USB1: variants seen among roughly 807,000 people sequenced by gnomAD.
USB1 encodes the protein U6 snRNA phosphodiesterase 1.
A neutral mutation model predicts 29.9 loss-of-function variants in USB1; 21 were observed. The observed-to-expected ratio is 0.70, with a 90% CI of 0.50 to 1.01. USB1 has a LOEUF of 1.01. Among genes scored for constraint, USB1 ranks in the 50% least tolerant of loss-of-function variants. The probability of loss-of-function intolerance (pLI) is 0.00; values close to 1 mark genes in which losing one functional copy is unlikely to be tolerated. For missense variants in USB1, 330 were observed against 347.1 expected, an observed-to-expected ratio of 0.95 and a Z score of 0.39; for synonymous variants, 143 against 134.9, an observed-to-expected ratio of 1.06 and a Z score of -0.42.
intron 2 of USB1, among the ~76,000 whole-genome samples, chr16:58,006,478 C>T (rs1476014458): frequency 2.4e-3 from 11 of 4,522 alleles, no homozygotes; most frequent in South Asian, 0.023. Flanking sequence ...GCCAACATGG[C>T]GAAACCCCCA....
intron 2 of USB1, among the ~76,000 whole-genome samples, chr16:58,007,709 T>A (rs1963393795): frequency 6.6e-6 from 1 of 151,048 alleles, no homozygotes; most frequent in African/African-American, 2.4e-5. Flanking sequence ...TTATTCAGGC[T>A]GGGTGCAGTG....
rs766841291 is a variant in USB1, at chr16:58,020,172, T to A, written c.725T>A (p.Val242Glu). The A allele has an allele frequency of 1.1e-5, 17 of 1,614,132 alleles. No homozygotes were observed. Among genetic ancestry groups the A allele is most frequent in the Non-Finnish European group, 1.4e-5 (16 of 1,180,034 alleles). The change falls in exon 7 of 7, where the codon GTG (valine) becomes GAG (glutamate). Residue 242 changes from valine (V) to glutamate (E), a missense_variant. By Grantham distance (121) the Val-to-Glu change is moderately radical. Coordinates refer to ENST00000219281, the MANE Select transcript of USB1 (RefSeq NM_024598.4). ...AIVDGFEDAE[V>E]LLRVHTEQVR... ...GTGGATGGGTTTGAAGATGCTGAGG[T>A]GCTGCTGCGCGTGCACACTGAGCAA...
intron 4 of USB1, 176 bp from the exon 5 acceptor site, chr16:58,017,158 A>C: frequency 1.5e-6 from 1 of 655,214 alleles, no homozygotes. Context: ...ATTTACAGAC[A>C]GAGAATCTGA....
At chr16:58,005,152 T>A (rs1963321722) in intron 2 of USB1, among the ~76,000 whole-genome samples, 1 of 152,150 alleles carries the variant, frequency 6.6e-6, no homozygotes, top group African/African-American at 2.4e-5. Flanking sequence ...GAGCCAGGTG[T>A]ACAGGTGTGA....
Position 58,018,972 on chromosome 16 carries a change from G to C in USB1, c.610G>C (p.Asp204His). The stretch of plus-strand genomic sequence containing the variant: ...GCCTGCCTCTCGTTTCCCTCCCCAG[G>C]ATCCTTCTTTCCACCTCAGCCTGGC... Reference protein sequence around the residue: ...EEFNLTTFYQDPSFHLSLAWC... With the variant: ...EEFNLTTFYQHPSFHLSLAWC... The change falls in exon 6 of 7, where the codon GAT (aspartate) becomes CAT (histidine). Residue 204 changes from aspartate to histidine, a missense_variant and splice_region_variant. Coordinates refer to ENST00000219281, the MANE Select transcript of USB1 (RefSeq NM_024598.4). 2.5e-6 allele frequency: 4 copies of C among 1,614,166 alleles called. No homozygotes were observed. The highest frequency in any genetic ancestry group is 3.4e-6 in the Non-Finnish European group (4 of 1,180,016).
chr16:58,011,403 C>T (rs996904218), intron 3 of USB1: 17 of 1,174,372 alleles, frequency 1.4e-5, no homozygotes, highest in South Asian at 3.0e-5. Context: ...TTTTTTTCCC[C>T]TTACCTATTA....
intron 2 of USB1, among the ~76,000 whole-genome samples, chr16:58,006,864 T>A (rs889024914): frequency 1.3e-5 from 2 of 152,234 alleles, no homozygotes; most frequent in Admixed American, 6.5e-5. Context: ...TTTTAGACAT[T>A]CTCTATCAAG....
intron 2 of USB1, 65 bp downstream of exon 2, chr16:58,002,710 G>C (rs977885791): frequency 2.3e-5 from 37 of 1,605,990 alleles, no homozygotes; most frequent in Non-Finnish European, 3.1e-5. Context: ...ATGAAGGGCA[G>C]AATCTGGCCC....
chr16:58,014,303 T>G lies in USB1; in HGVS notation c.480T>G (p.Ile160Met), dbSNP rs1292055914. ...RFFFTANQVK[I>M]YTNQEKTRTF... ...TCTTTACTGCCAACCAGGTAAAGAT[T>G]TACACCAATCAAGAGAAAACCAGGT... Residue 160 changes from isoleucine to methionine, a missense_variant, in exon 4 of 7, where the codon ATT (isoleucine) becomes ATG (methionine). Coordinates refer to ENST00000219281, the MANE Select transcript of USB1 (RefSeq NM_024598.4). 6.2e-7 allele frequency: 1 copy of G among 1,613,930 alleles called. No homozygotes were observed. Among genetic ancestry groups the G allele is most frequent in the South Asian group, 1.1e-5 (1 of 91,066 alleles).
In USB1 at chr16:58,020,389, C is replaced by T. The variant is rs1963708521; in HGVS notation, c.*144C>T. ...CCTGGCAGGAGGTGTAGCCACTCCTCATCCTCCCTGAGTGCTGATATTCTC... is the reference window on the plus strand; with the variant it reads ...CCTGGCAGGAGGTGTAGCCACTCCTTATCCTCCCTGAGTGCTGATATTCTC... On this transcript the variant is annotated 3_prime_UTR_variant, in exon 7 of 7. Coordinates refer to ENST00000219281, the MANE Select transcript of USB1 (RefSeq NM_024598.4). 2.8e-6 allele frequency: 2 copies of T among 725,794 alleles called. No individual in the cohort carries two copies. The highest frequency in any genetic ancestry group is 1.7e-5 in the African/African-American group (1 of 57,400). The allele number at this position is 725,794 out of a possible 1,614,324, so 45.0% of individuals were successfully genotyped here.
rs1357656235 is a variant in USB1 at position 58,002,665 on chromosome 16, C to T, written c.265+20C>T. On this transcript the variant is annotated intron_variant, in intron 2 of 6. Transcript: ENST00000219281. Reference sequence around the variant, plus strand: ...TACCATGTGAGTGATGTGTGAAAGGCAAGTTGCCAAGACCCATAGACCCGT... The same window carrying T: ...TACCATGTGAGTGATGTGTGAAAGGTAAGTTGCCAAGACCCATAGACCCGT... 6.2e-7 allele frequency: 1 copy of T among 1,613,482 alleles called. No homozygotes were observed.
At chr16:58,015,217 C>T (rs1198395291) in intron 4 of USB1, 1 of 152,172 alleles carries the variant, frequency 6.6e-6, no homozygotes, top group East Asian at 1.9e-4. Flanking sequence ...CCTGTTTCTG[C>T]CCAGCTCCAT....
intron 2 of USB1, 48 bp downstream of exon 2, chr16:58,002,693 G>A (rs1472407269): frequency 1.2e-6 from 2 of 1,611,700 alleles, no homozygotes; most frequent in African/African-American, 2.7e-5. Context: ...AGACCCGTAG[G>A]TGCCTCATGA....
At position 58,013,024 on chromosome 16, in the gene USB1, T is replaced by G. The variant is rs1597052011; in HGVS notation, c.450-1249T>G. ...TGGTTCCCTCTGAGGAAAGGATCTG[T>G]GTCATGAGTGAAGCCCGGGCAGGTG... On this transcript the variant is annotated intron_variant, in intron 3 of 6. Transcript: ENST00000219281. This position sits in a 1 kb window ranked among gnomAD's most constrained non-coding sequence, Gnocchi z 4.3. 5 of 985,672 alleles carry G rather than the reference T, an allele frequency of 5.1e-6. No homozygotes were observed. The highest frequency in any genetic ancestry group is 6.0e-6 in the Non-Finnish European group (5 of 830,126). The allele number at this position is 985,672 out of a possible 1,614,324, so 61.1% of individuals were successfully genotyped here.
intron 5 of USB1, among the ~76,000 whole-genome samples, chr16:58,018,067 T>A (rs1382143531): frequency 6.6e-6 from 1 of 152,168 alleles, no homozygotes; most frequent in Non-Finnish European, 1.5e-5. Flanking sequence ...GTAATGACCC[T>A]CTGATACTTC....
intron 4 of USB1, among the ~76,000 whole-genome samples, chr16:58,014,715 C>T (rs191135215): frequency 2.6e-5 from 4 of 152,044 alleles, no homozygotes; most frequent in Admixed American, 2.0e-4. Context: ...CCCTGGAGGT[C>T]GAGGCTGCAG....
Position 58,013,281 on chromosome 16 carries a change from C to A in USB1, c.450-992C>A. 6 of 985,434 alleles carry A rather than the reference C, an allele frequency of 6.1e-6. No homozygotes were observed. The highest frequency in any genetic ancestry group is 4.7e-5 in the South Asian group (1 of 21,292). The allele number at this position is 985,434 out of a possible 1,614,324, so 61.0% of individuals were successfully genotyped here. A position where few individuals can be genotyped will look rare whatever the true frequency, so the allele number is the denominator to read the frequency against. ...TCCACTCCAGGATGTTTGGGAGACA[C>A]CTTGAGAACTCTTCCTAAAAGCTGC... is the stretch of plus-strand genomic sequence containing the variant. On this transcript the variant is annotated intron_variant, in intron 3 of 6. Transcript: ENST00000219281. This position sits in a 1 kb window ranked among gnomAD's most constrained non-coding sequence, Gnocchi z 4.3.
intron 4 of USB1, among the ~76,000 whole-genome samples, chr16:58,014,744 C>T (rs1963575803): frequency 6.6e-6 from 1 of 152,108 alleles, no homozygotes; most frequent in South Asian, 2.1e-4. Context: ...GATTGCACCA[C>T]TGCACTCCAG....
In USB1 at chr16:58,017,265, G is replaced by A. The variant is rs1403778846; in HGVS notation, c.504-69G>A. ...CCTCTTGGCCTTCTGCCTGGCTCCT[G>A]CTCGGCTGCGCAGATGGCTGTGTTC... On this transcript the variant is annotated intron_variant, in intron 4 of 6. Coordinates refer to ENST00000219281, the MANE Select transcript of USB1 (RefSeq NM_024598.4). 4 of 1,447,518 alleles carry A rather than the reference G, an allele frequency of 2.8e-6. No individual in the cohort carries two copies. In the African/African-American group the frequency reaches 4.2e-5, roughly 15 times the overall value. 89.7% of individuals were successfully genotyped at this position (1,447,518 alleles called of 1,614,324 possible).
Sources: gnomAD v4.1 joint callset for allele counts (sites outside exome capture counted in the v4.1 genomes callset) on GRCh38, gnomAD v4.1.1 for gene constraint, Gnocchi (gnomAD v3.1) non-coding constraint, MANE v1.5 for transcripts, NCBI Gene and HGNC (gene_info 2026-07-23, HGNC 2026-07-21) for gene names.